Variants in MTREX observed in about 807,000 individuals in gnomAD.
MTREX encodes Mtr4 exosome RNA helicase.
Under a neutral mutation model 135.4 loss-of-function variants are expected in MTREX, and 76 were observed. That is an observed-to-expected ratio of 0.56 (90% CI 0.47 to 0.68). The LOEUF (loss-of-function observed/expected upper bound fraction) is 0.68. MTREX is among the 30% of genes least tolerant of loss of function. The pLI is 0.00. For missense variants in MTREX, 920 were observed against 1,262.1 expected (o/e 0.73, Z 4.11); for synonymous variants, 404 against 401.6 (o/e 1.01, Z -0.07).
intron 21 of MTREX, among the ~76,000 whole-genome samples, 196 bp downstream of exon 21, chr5:55,400,617 A>G (rs777315643): frequency 6.6e-6 from 1 of 152,320 alleles, no homozygotes; most frequent in South Asian, 2.1e-4. Context: ...CTATAGTTTG[A>G]TATTTCACAT....
At chr5:55,421,966 G>T (rs1464240594) in intron 25 of MTREX, among the ~76,000 whole-genome samples, 1 of 152,102 alleles carries the variant, frequency 6.6e-6, no homozygotes, top group Admixed American at 6.5e-5. Context: ...CTGTTTCATT[G>T]CAAGGCAGTA....
At chr5:55,373,771 G>C (rs1006380667) in intron 16 of MTREX, among the ~76,000 whole-genome samples, 3 of 151,980 alleles carry the variant, frequency 2.0e-5, no homozygotes, top group African/African-American at 7.3e-5. Context: ...TGTGACTAGT[G>C]GGGGTAGGGG....
At chr5:55,372,095 T>C (rs1750212197) in intron 16 of MTREX, among the ~76,000 whole-genome samples, 1 of 152,196 alleles carries the variant, frequency 6.6e-6, no homozygotes, top group Non-Finnish European at 1.5e-5. Context: ...AATAGAATGT[T>C]ATATGTAATT....
chr5:55,348,961 A>G (rs1749781739), intron 11 of MTREX, among the ~76,000 whole-genome samples: 1 of 152,228 alleles, frequency 6.6e-6, no homozygotes, highest in African/African-American at 2.4e-5. Flanking sequence ...AAATGTAGAT[A>G]ATAATAGTTC....
intron 18 of MTREX, among the ~76,000 whole-genome samples, chr5:55,384,159 T>A (rs1279712658): frequency 6.6e-6 from 1 of 152,198 alleles, no homozygotes; most frequent in African/African-American, 2.4e-5. Flanking sequence ...AATGGTGTCC[T>A]ATATTTCTCT....
At position 55,340,155 on chromosome 5, in the gene MTREX, A is replaced by G; in HGVS notation, c.661A>G (p.Thr221Ala). The change falls in exon 6 of 27, where the codon ACG (threonine) becomes GCG (alanine). Residue 221 changes from threonine (T) to alanine (A), a missense_variant. Thr to Ala is a moderately conservative substitution (Grantham distance 58). Around this residue, in one of 6 missense-constraint regions of MTREX, gnomAD observed 88 missense variants for 202.5 expected, o/e 0.43. Coordinates refer to ENST00000230640, the MANE Select transcript of MTREX (RefSeq NM_015360.5). The stretch of plus-strand genomic sequence containing the variant: ...GACTGGTGATGTTACTATTAATCCT[A>G]CGGCATCTTGTCTTGTTATGACCAC... ...LMTGDVTINP[T>A]ASCLVMTTEI... is the part of the protein sequence containing the mutation. The G allele has an allele frequency of 4.4e-6, 7 of 1,596,602 alleles. No individual in the cohort carries two copies. The highest frequency in any genetic ancestry group is 1.1e-5 in the South Asian group (1 of 87,648).
At chr5:55,318,825 A>G (rs183014944) in intron 1 of MTREX, among the ~76,000 whole-genome samples, 9 of 152,254 alleles carry the variant, frequency 5.9e-5, no homozygotes, top group African/African-American at 2.2e-4. Context: ...GCGAGATACA[A>G]TGGTTGTACA....
intron 16 of MTREX, among the ~76,000 whole-genome samples, chr5:55,369,658 A>G (rs1188185749): frequency 6.6e-6 from 1 of 152,152 alleles, no homozygotes; most frequent in Non-Finnish European, 1.5e-5. Context: ...ACATTCCACC[A>G]TTTCTCTGAT....
intron 1 of MTREX, among the ~76,000 whole-genome samples, chr5:55,313,761 C>T (rs1749153343): frequency 1.3e-5 from 2 of 152,114 alleles, no homozygotes; most frequent in Admixed American, 6.5e-5. Flanking sequence ...AAGTTTAAAA[C>T]AGTACATTCT....
chr5:55,309,455 A>C (rs1401634000), intron 1 of MTREX, among the ~76,000 whole-genome samples: 1 of 152,210 alleles, frequency 6.6e-6, no homozygotes, highest in African/African-American at 2.4e-5. Flanking sequence ...AAAGATGAAA[A>C]GAACCTCAAC....
intron 2 of MTREX, among the ~76,000 whole-genome samples, chr5:55,322,727 A>G (rs190451269): frequency 1.3e-5 from 2 of 152,364 alleles, no homozygotes; most frequent in East Asian, 1.9e-4. Flanking sequence ...TAAAAAAAAT[A>G]CGTTTTCTTT....
chr5:55,416,814 C>G (rs1395386928), intron 25 of MTREX, among the ~76,000 whole-genome samples: 2 of 151,942 alleles, frequency 1.3e-5, no homozygotes, highest in African/African-American at 4.8e-5. Flanking sequence ...ATTGAACTTT[C>G]CTAAAAATGA....
chr5:55,335,941 C>A (rs1043781126), intron 5 of MTREX, among the ~76,000 whole-genome samples: 7 of 152,098 alleles, frequency 4.6e-5, no homozygotes, highest in African/African-American at 1.7e-4. Flanking sequence ...CAACACTTTG[C>A]AATTTTCAGT....
intron 1 of MTREX, among the ~76,000 whole-genome samples, chr5:55,316,570 G>A (rs934298646): frequency 5.9e-5 from 9 of 152,054 alleles, no homozygotes; most frequent in Admixed American, 5.2e-4. Context: ...AAAGGCCTTC[G>A]ATAAAATTCA....
At chr5:55,385,691 T>TG (rs1274149491) in intron 18 of MTREX, among the ~76,000 whole-genome samples, 13 of 152,182 alleles carry the variant, frequency 8.5e-5, no homozygotes, top group Non-Finnish European at 1.6e-4. Flanking sequence ...TTTAAATGAT[T>TG]GGTTTTTCAT....
chr5:55,419,809 C>G (rs1751025961), intron 25 of MTREX, among the ~76,000 whole-genome samples: 1 of 152,152 alleles, frequency 6.6e-6, no homozygotes, highest in Admixed American at 6.6e-5. Context: ...CCTGCTCCCT[C>G]TGTATGCCAC....
At chr5:55,397,179 A>T (rs1179401462) in intron 19 of MTREX, among the ~76,000 whole-genome samples, 1 of 152,176 alleles carries the variant, frequency 6.6e-6, no homozygotes, top group Non-Finnish European at 1.5e-5. Flanking sequence ...TCTTATTTTT[A>T]TGTACCATTT....
chr5:55,310,968 G>T (rs898764356), intron 1 of MTREX, among the ~76,000 whole-genome samples: 2 of 151,610 alleles, frequency 1.3e-5, no homozygotes, highest in African/African-American at 2.4e-5. Context: ...TTGTAGAGAC[G>T]GGTGTCTCAT....
At chr5:55,327,896 C>G (rs1749409471) in intron 4 of MTREX, 118 bp downstream of exon 4, 10 of 686,880 alleles carry the variant, frequency 1.5e-5, no homozygotes, top group Non-Finnish European at 2.5e-5. Flanking sequence ...GTATCAAGAA[C>G]AAGCCAACTA....
Sources: gnomAD v4.1 joint callset for allele counts (sites outside exome capture counted in the v4.1 genomes callset) on GRCh38, gnomAD v4.1.1 for gene constraint, gnomAD v4.1.1 regional missense constraint, MANE v1.5 for transcripts, NCBI Gene and HGNC (gene_info 2026-07-23, HGNC 2026-07-21) for gene names.